Variants in SRGAP3 observed in about 807,000 individuals in gnomAD.
SRGAP3 encodes the protein SLIT-ROBO Rho GTPase activating protein 3, also known as SLIT-ROBO Rho GTPase-activating protein 3.
SRGAP3 carries 39 observed loss-of-function variants against 121.1 expected under a neutral mutation model. The observed-to-expected ratio is 0.32, with a 90% confidence interval of 0.25 to 0.42. The LOEUF is 0.42. SRGAP3 is among the 10% of genes least tolerant of loss of function. The pLI, the probability that SRGAP3 is intolerant of heterozygous loss-of-function variation, is 1.00. For synonymous variants in SRGAP3, 601 were observed against 570.0 expected, an observed-to-expected ratio of 1.05 and a Z score of -0.77; for missense variants, 1,213 against 1,470.6, an observed-to-expected ratio of 0.82 and a Z score of 2.86.
Position 8,990,828 on chromosome 3 carries a change from C to A in SRGAP3, c.2570G>T (p.Arg857Leu). 1.3e-6 allele frequency: 2 copies of A among 1,542,692 alleles called. No individual in the cohort carries two copies. Among genetic ancestry groups the A allele is most frequent in the African/African-American group, 1.4e-5 (1 of 73,292 alleles). Reference sequence around the variant, plus strand: ...TCTGGGGATGGCTGCTCCATCAGATCGTAACCGCACTCTGCAAAGGAGCCA... The same window carrying A: ...TCTGGGGATGGCTGCTCCATCAGATAGTAACCGCACTCTGCAAAGGAGCCA... ...FGGVMGRVRL[R>L]SDGAAIPRRR... The change falls in exon 21 of 22, where the codon CGA becomes CTA. Residue 857 changes from arginine (R) to leucine (L), a missense_variant. Physicochemically the swap from Arg to Leu is moderately radical, Grantham distance 102 (BLOSUM62 -2). Around this residue, in one of 2 missense-constraint regions of SRGAP3, gnomAD observed 420 missense variants for 437.7 expected, o/e 0.96. Coordinates refer to ENST00000383836, the MANE Select transcript of SRGAP3 (RefSeq NM_014850.4).
In SRGAP3 at chr3:8,994,441, C is replaced by T. The variant is rs764026111; in HGVS notation, c.2310G>A (p.Ser770=). 1.9e-5 allele frequency: 31 copies of T among 1,614,074 alleles called. No individual in the cohort carries two copies. The highest frequency in any genetic ancestry group is 6.7e-5 in the East Asian group (3 of 44,894). ...PRELSFKKGA[S]LLLYHRASED... is the part of the protein sequence containing the mutation. ...CCGAGGCGCGGTGGTACAGGAGCAG[C>T]GAGGCCCCCTTCTTGAAGGATAGCT... The change falls in exon 19 of 22, where the codon TCG becomes TCA. Residue 770 remains serine, a synonymous_variant. Transcript: ENST00000383836.
chr3:9,009,046 G>C (rs982867166), intron 18 of SRGAP3, among the ~76,000 whole-genome samples: 2 of 152,164 alleles, frequency 1.3e-5, no homozygotes, highest in Non-Finnish European at 2.9e-5. Flanking sequence ...AATCACCCTT[G>C]CTCCTGGATC....
intron 3 of SRGAP3, among the ~76,000 whole-genome samples, chr3:9,294,447 A>T (rs1432356788): frequency 1.3e-5 from 2 of 152,144 alleles, no homozygotes; most frequent in Non-Finnish European, 2.9e-5. Flanking sequence ...TTGAGTGATG[A>T]AATAACCATA....
rs56008553 is a variant in SRGAP3, at chr3:9,155,005, G to GTT, written c.68-30090_68-30089dup. 4.7e-3 allele frequency among the ~76,000 whole-genome samples: 667 copies of GTT among 141,676 alleles called. 1 individual carries two copies. The highest frequency in any genetic ancestry group is 0.011 in the Middle Eastern group (3 of 284). 92.9% of individuals were successfully genotyped at this position (141,676 alleles called of 152,430 possible). A position where few individuals can be genotyped will look rare whatever the true frequency, so the allele number is the denominator to read the frequency against. On this transcript the variant is annotated intron_variant, in intron 1 of 21. Transcript: ENST00000383836. ...GTTTGTTTTATGTTTTTTGTTTTTTGTTTTTTTTTTGCATCCTGTTTTTTA... is the reference window on the plus strand; with the variant it reads ...GTTTGTTTTATGTTTTTTGTTTTTTGTTTTTTTTTTTTGCATCCTGTTTTTTA...
At chr3:9,061,964 C>T (rs1946195037) in intron 5 of SRGAP3, among the ~76,000 whole-genome samples, 1 of 152,226 alleles carries the variant, frequency 6.6e-6, no homozygotes, top group Non-Finnish European at 1.5e-5. Context: ...TTCTCCTTTG[C>T]CTAGACATTC....
chr3:9,277,297 G>A (rs1019467924), intron 3 of SRGAP3, among the ~76,000 whole-genome samples: 2 of 152,054 alleles, frequency 1.3e-5, no homozygotes, highest in Admixed American at 6.6e-5. Flanking sequence ...TTACTGCTAT[G>A]TTCTAAATAT....
At chr3:9,359,292 G>C (rs1161604218) in intron 1 of SRGAP3, among the ~76,000 whole-genome samples, 1 of 152,152 alleles carries the variant, frequency 6.6e-6, no homozygotes, top group African/African-American at 2.4e-5. Flanking sequence ...TCTCCTTGGA[G>C]GGTCCATACT....
In SRGAP3 at chr3:9,286,698, G is replaced by T. The variant is rs367972587; in HGVS notation, n.442+39312C>A. Among the ~76,000 whole-genome samples the T allele has an allele frequency of 1.3e-3, 197 of 150,990 alleles. 3 individuals carry two copies. The South Asian group carries it at 0.04, about 30-fold the overall frequency. On this transcript the variant is annotated intron_variant and non_coding_transcript_variant, in intron 3 of 3. Coordinates refer to the SRGAP3 transcript ENST00000490889. The stretch of plus-strand genomic sequence containing the variant: ...GCTCACTACAAGCTTCGCCTCCCGG[G>T]TTCCCGCCATTCTCCTGCCTCAGCC...
intron 4 of SRGAP3, among the ~76,000 whole-genome samples, chr3:9,069,817 G>T (rs1382781729): frequency 6.6e-6 from 1 of 152,130 alleles, no homozygotes; most frequent in Non-Finnish European, 1.5e-5. Flanking sequence ...CGTGGTGGTG[G>T]GCCCCTGTAC....
intron 1 of SRGAP3, among the ~76,000 whole-genome samples, chr3:9,147,102 T>C (rs999767247): frequency 2.6e-5 from 4 of 152,308 alleles, no homozygotes; most frequent in Admixed American, 2.0e-4. Context: ...GACAATACCA[T>C]TCCCATTGTC....
chr3:9,323,898 A>T (rs971025980), intron 3 of SRGAP3, among the ~76,000 whole-genome samples: 1 of 151,928 alleles, frequency 6.6e-6, no homozygotes, highest in East Asian at 1.9e-4. Flanking sequence ...AGCGGAATTA[A>T]ATTTAAAAGA....
At chr3:9,076,636 C>T (rs1946987562) in intron 4 of SRGAP3, among the ~76,000 whole-genome samples, 1 of 152,146 alleles carries the variant, frequency 6.6e-6, no homozygotes, top group Non-Finnish European at 1.5e-5. Context: ...CCAAAGGCAC[C>T]AAGCTCAAAG....
intron 1 of SRGAP3, among the ~76,000 whole-genome samples, chr3:9,185,477 T>G (rs1343445174): frequency 6.6e-6 from 1 of 151,558 alleles, no homozygotes; most frequent in Non-Finnish European, 1.5e-5. Flanking sequence ...TTTGTTGGGG[T>G]GGGGGGGCAC....
At chr3:9,076,845 A>G (rs954029638) in intron 4 of SRGAP3, among the ~76,000 whole-genome samples, 1 of 152,212 alleles carries the variant, frequency 6.6e-6, no homozygotes, top group African/African-American at 2.4e-5. Context: ...AGCCCCACAG[A>G]GCTCACAGGC....
chr3:9,212,461 C>T (rs1174849675), intron 1 of SRGAP3, among the ~76,000 whole-genome samples: 1 of 152,196 alleles, frequency 6.6e-6, no homozygotes, highest in Non-Finnish European at 1.5e-5. Flanking sequence ...GTGGCTCATG[C>T]CTGTAATCCC....
At chr3:9,180,981 G>C (rs765907793) in intron 1 of SRGAP3, among the ~76,000 whole-genome samples, 3 of 152,234 alleles carry the variant, frequency 2.0e-5, no homozygotes, top group Non-Finnish European at 4.4e-5. Flanking sequence ...CAGATGTCTG[G>C]AGACACGGAG....
intron 3 of SRGAP3, among the ~76,000 whole-genome samples, chr3:9,314,468 G>A (rs568796293): frequency 6.6e-6 from 1 of 152,152 alleles, no homozygotes; most frequent in East Asian, 1.9e-4. Context: ...AGGAGAAGGG[G>A]AAGAAGAAGA....
chr3:9,257,076 C>T (rs1199851753), intron 3 of SRGAP3: 4 of 386,166 alleles, frequency 1.0e-5, no homozygotes, highest in Non-Finnish European at 1.4e-5. Context: ...AGTTCAGAAC[C>T]TAAATGGGAA....
At chr3:9,013,187 G>C (rs1943456470) in intron 17 of SRGAP3, 121 bp downstream of exon 17, 5 of 984,398 alleles carry the variant, frequency 5.1e-6, no homozygotes, top group African/African-American at 1.6e-5. Flanking sequence ...GCTCAGATGA[G>C]AAAATGTATA....
Sources: gnomAD v4.1 joint callset for allele counts (sites outside exome capture counted in the v4.1 genomes callset) on GRCh38, gnomAD v4.1.1 for gene constraint, gnomAD v4.1.1 regional missense constraint, MANE v1.5 for transcripts, NCBI Gene and HGNC (gene_info 2026-07-23, HGNC 2026-07-21) for gene names.